HCN1: variants seen among roughly 807,000 people sequenced by gnomAD.
HCN1 encodes hyperpolarization activated cyclic nucleotide gated potassium channel 1.
In HCN1, 13 loss-of-function variants were observed where a neutral mutation model predicts 78.9. The ratio of observed to expected loss-of-function variants is 0.16; its 90% CI spans 0.11 to 0.26. The LOEUF (loss-of-function observed/expected upper bound fraction) is 0.26. Ranked by LOEUF, HCN1 falls within the 10% of genes least tolerant of loss-of-function variation. The probability of loss-of-function intolerance (pLI) is 1.00; values close to 1 mark genes in which losing one functional copy is unlikely to be tolerated. For synonymous variants in HCN1, 552 were observed against 455.5 expected (o/e 1.21, Z -2.70); for missense variants, 810 against 1,154.3 (o/e 0.70, Z 4.32).
intron 5 of HCN1, among the ~76,000 whole-genome samples, chr5:45,307,332 C>T (rs1309103908): frequency 1.3e-5 from 2 of 152,048 alleles, no homozygotes; most frequent in East Asian, 3.9e-4. Context: ...TTACCAAACC[C>T]TTAAGGATGG....
Position 45,261,684 on chromosome 5 carries a change from A to G in HCN1, c.*237T>C, listed in dbSNP as rs1744737664. 2.8e-6 allele frequency: 1 copy of G among 355,036 alleles called. No homozygotes were observed. The highest frequency in any genetic ancestry group is 2.1e-5 in the African/African-American group (1 of 48,550). The allele number at this position is 355,036 out of a possible 1,614,324, so 22.0% of individuals were successfully genotyped here. A position where few individuals can be genotyped will look rare whatever the true frequency, so the allele number is the denominator to read the frequency against. ...TTTAAATCCTTTAATGATTTAAAGA[A>G]AGGAAGACATATAACACTGAATGCT... On this transcript the variant is annotated 3_prime_UTR_variant, in exon 8 of 8. Coordinates refer to ENST00000303230, the MANE Select transcript of HCN1 (RefSeq NM_021072.4).
chr5:45,651,350 T>A (rs916415723), intron 1 of HCN1, among the ~76,000 whole-genome samples: 1 of 152,006 alleles, frequency 6.6e-6, no homozygotes, highest in Admixed American at 6.6e-5. Context: ...TTAGTGGTAT[T>A]CTGGGAGACT....
intron 2 of HCN1, among the ~76,000 whole-genome samples, chr5:45,623,242 C>A (rs1745103435): frequency 6.6e-6 from 1 of 152,138 alleles, no homozygotes; most frequent in South Asian, 2.1e-4. Flanking sequence ...TTCTCCTTGA[C>A]ACTGAACAAG....
Position 45,676,508 on chromosome 5 carries a change from G to A in HCN1, c.425+19161C>T, listed in dbSNP as rs554159688. Among the ~76,000 whole-genome samples, 421 of 151,772 alleles carry A rather than the reference G, an allele frequency of 2.8e-3. 1 individual carries two copies. Among genetic ancestry groups the A allele is most frequent in the Non-Finnish European group, 5.1e-3 (343 of 67,776 alleles). On this transcript the variant is annotated intron_variant, in intron 1 of 7. Transcript: ENST00000303230. ...ATGTTCAGAGCAAGATATGTTTGGA[G>A]CATGTCTTGGAACAAGACACTTAGG...
At chr5:45,485,888 C>T (rs1741752022) in intron 2 of HCN1, among the ~76,000 whole-genome samples, 1 of 152,116 alleles carries the variant, frequency 6.6e-6, no homozygotes, top group South Asian at 2.1e-4. Flanking sequence ...GGAAATTATC[C>T]TCCTACATGG....
chr5:45,638,361 C>T (rs1307581721), intron 2 of HCN1, among the ~76,000 whole-genome samples: 1 of 151,974 alleles, frequency 6.6e-6, no homozygotes, highest in Non-Finnish European at 1.5e-5. Flanking sequence ...GAAAAACCTG[C>T]AAAACAAGAA....
At chr5:45,524,318 G>A (rs913943689) in intron 2 of HCN1, among the ~76,000 whole-genome samples, 1 of 152,048 alleles carries the variant, frequency 6.6e-6, no homozygotes, top group African/African-American at 2.4e-5. Flanking sequence ...TTGTTCTTTT[G>A]GCTTAGGATT....
intron 3 of HCN1, among the ~76,000 whole-genome samples, chr5:45,402,832 C>CTTCT: frequency 7.1e-6 from 1 of 140,706 alleles, no homozygotes; most frequent in East Asian, 2.1e-4. Flanking sequence ...TCCTTCCTTC[C>CTTCT]TTCCTTCCTT....
chr5:45,271,664 G>A (rs1744963847), intron 6 of HCN1, among the ~76,000 whole-genome samples: 2 of 152,084 alleles, frequency 1.3e-5, no homozygotes, highest in African/African-American at 4.8e-5. Flanking sequence ...TATCTCCAGT[G>A]CCTACATGAC....
intron 2 of HCN1, among the ~76,000 whole-genome samples, chr5:45,596,976 C>T (rs959715078): frequency 1.3e-5 from 2 of 152,118 alleles, no homozygotes; most frequent in East Asian, 1.9e-4. Flanking sequence ...TAAAAGATAA[C>T]GTTACCTCTT....
intron 6 of HCN1, among the ~76,000 whole-genome samples, chr5:45,268,631 C>A (rs1290931488): frequency 1.3e-5 from 2 of 152,160 alleles, no homozygotes; most frequent in Non-Finnish European, 2.9e-5. Flanking sequence ...GAGAAGGACA[C>A]GTGAACCAGT....
At chr5:45,380,672 T>C (rs147658750) in intron 4 of HCN1, among the ~76,000 whole-genome samples, 54 of 152,256 alleles carry the variant, frequency 3.5e-4, no homozygotes, top group African/African-American at 1.1e-3. Flanking sequence ...TGACACCTAA[T>C]AAGACTCCTA....
intron 2 of HCN1, among the ~76,000 whole-genome samples, chr5:45,496,371 T>G (rs1310086679): frequency 6.6e-6 from 1 of 151,924 alleles, no homozygotes; most frequent in African/African-American, 2.4e-5. Flanking sequence ...TCTTCTAGAT[T>G]TTCTAGTTTA....
chr5:45,429,875 A>T (rs1740427997), intron 3 of HCN1, among the ~76,000 whole-genome samples: 1 of 152,130 alleles, frequency 6.6e-6, no homozygotes, highest in Admixed American at 6.6e-5. Flanking sequence ...AGTAATTTTC[A>T]TGGGGCATAG....
At chr5:45,444,194 A>T (rs1740738086) in intron 3 of HCN1, among the ~76,000 whole-genome samples, 1 of 152,198 alleles carries the variant, frequency 6.6e-6, no homozygotes, top group Non-Finnish European at 1.5e-5. Context: ...TGCTCTGTCA[A>T]ATAATCAAGT....
chr5:45,354,349 G>T (rs1022775473), intron 4 of HCN1, among the ~76,000 whole-genome samples: 2 of 151,898 alleles, frequency 1.3e-5, no homozygotes, highest in African/African-American at 4.8e-5. Context: ...TTGTATAGAT[G>T]ACAGCATCGA....
intron 3 of HCN1, among the ~76,000 whole-genome samples, chr5:45,454,202 C>A (rs1282586425): frequency 6.6e-6 from 1 of 151,966 alleles, no homozygotes; most frequent in African/African-American, 2.4e-5. Flanking sequence ...AGTTGATTTC[C>A]TTATTTTTTT....
At chr5:45,627,758 G>A (rs2112006255) in intron 2 of HCN1, among the ~76,000 whole-genome samples, 1 of 152,232 alleles carries the variant, frequency 6.6e-6, no homozygotes, top group South Asian at 2.1e-4. Flanking sequence ...TGAATACTAT[G>A]TTTAACTTCA....
In HCN1 at chr5:45,261,980, A is replaced by G. The variant is rs1744747938; in HGVS notation, c.2614T>C (p.Ser872Pro). 6.2e-7 allele frequency: 1 copy of G among 1,613,940 alleles called. No homozygotes were observed. Among genetic ancestry groups the G allele is most frequent in the Non-Finnish European group, 8.5e-7 (1 of 1,180,028 alleles). Residue 872 changes from serine (S) to proline (P), a missense_variant, in exon 8 of 8, where the codon TCC (serine) becomes CCC (proline). Physicochemically the swap from Ser to Pro is moderately conservative, Grantham distance 74 (BLOSUM62 -1). Transcript: ENST00000303230. The part of the protein sequence containing the change: ...PPAAALPRES[S>P]SVLNTDPDAE... ...TCTGGGTCTGTGTTTAAGACTGAGG[A>G]AGATTCTCTTGGAAGAGCAGCTGCT...
Sources: allele counts gnomAD v4.1 joint callset (sites outside exome capture counted in the v4.1 genomes callset), GRCh38; gene constraint gnomAD v4.1.1; transcripts MANE v1.5; gene names NCBI Gene and HGNC (gene_info 2026-07-23, HGNC 2026-07-21).